PPP2R3B: variants seen among roughly 807,000 people sequenced by gnomAD.
The protein encoded by PPP2R3B is protein phosphatase 2 regulatory subunit B''beta.
PPP2R3B carries 68 observed loss-of-function variants against 72.9 expected under a neutral mutation model. The ratio of observed to expected loss-of-function variants is 0.93; its 90% CI spans 0.77 to 1.14. The LOEUF (loss-of-function observed/expected upper bound fraction) is 1.14. Among genes scored for constraint, PPP2R3B ranks in the 50% most tolerant of loss-of-function variants. PPP2R3B has a pLI of 0.00. For missense variants in PPP2R3B, 1,018 were observed against 842.0 expected (o/e 1.21, Z -2.59); for synonymous variants, 466 against 375.8 (o/e 1.24, Z -2.78).
chrX:375,075 C>T (rs1375023607), intron 1 of PPP2R3B, among the ~76,000 whole-genome samples: 1 of 152,132 alleles, frequency 6.6e-6, no homozygotes, highest in Non-Finnish European at 1.5e-5. Flanking sequence ...CCGCAAGGCC[C>T]CTTCCAACTC....
rs2071406870 is a variant in PPP2R3B at position 354,874 on chromosome X, C to A, written c.510+6531G>T. ...TCAAAAAAAACACAAGAGCTCCCAG[C>A]AAACAAGAAACCAAAAGGGAAGGGG... On this transcript the variant is annotated intron_variant, in intron 2 of 12. Coordinates refer to ENST00000390665, the MANE Select transcript of PPP2R3B (RefSeq NM_013239.5). Among the ~76,000 whole-genome samples the A allele has an allele frequency of 2.0e-5, 3 of 152,282 alleles. No individual in the cohort carries two copies. In the East Asian group the frequency reaches 5.8e-4, roughly 29 times the overall value.
Position 354,067 on chromosome X carries a change from GCCCAAAGACCGGGGCTCA to G in PPP2R3B, c.511-6392_511-6375del, listed in dbSNP as rs1340807916. Among the ~76,000 whole-genome samples, 105 of 111,312 alleles carry G rather than the reference GCCCAAAGACCGGGGCTCA, an allele frequency of 9.4e-4. 3 individuals are homozygous for G. Among genetic ancestry groups the G allele is most frequent in the African/African-American group, 3.7e-3 (87 of 23,772 alleles). The allele number at this position is 111,312 out of a possible 152,430, so 73.0% of individuals were successfully genotyped here. ...GGGGCTCACCCAAAGACCGGGGCTCGCCCAAAGACCGGGGCTCACCCAGGGACCAGGGGCTCGCCCAAA... is the reference window on the plus strand; with the variant it reads ...GGGGCTCACCCAAAGACCGGGGCTCGCCCAGGGACCAGGGGCTCGCCCAAA... On this transcript the variant is annotated intron_variant, in intron 2 of 12. Coordinates refer to ENST00000390665, the MANE Select transcript of PPP2R3B (RefSeq NM_013239.5).
chrX:339,275 G>GGGT (rs1433526026), intron 10 of PPP2R3B, among the ~76,000 whole-genome samples: 4 of 150,100 alleles, frequency 2.7e-5, no homozygotes, highest in Non-Finnish European at 1.5e-5. Flanking sequence ...CCATGGCCGG[G>GGGT]GGGGGCAGGG....
chrX:346,763 T>C lies in PPP2R3B; in HGVS notation c.730A>G (p.Thr244Ala). 6.2e-7 allele frequency: 1 copy of C among 1,609,926 alleles called. No homozygotes were observed. The highest frequency in any genetic ancestry group is 8.5e-7 in the Non-Finnish European group (1 of 1,178,484). Residue 244 changes from threonine (T) to alanine (A), a missense_variant, in exon 5 of 13, where the codon ACG (threonine) becomes GCG (alanine). Physicochemically the swap from Thr to Ala is moderately conservative, Grantham distance 58. Coordinates refer to ENST00000390665, the MANE Select transcript of PPP2R3B (RefSeq NM_013239.5). ...TTCAGGAACGACAGCCCCGGGTGCGTGTTCACCACGTCCTGCGGGTGGGAA... is the reference window on the plus strand; with the variant it reads ...TTCAGGAACGACAGCCCCGGGTGCGCGTTCACCACGTCCTGCGGGTGGGAA... The part of the protein sequence containing the change: ...FVPFLQDVVN[T>A]HPGLSFLKEA...
chrX:354,522 G>A (rs1015148219), intron 2 of PPP2R3B, among the ~76,000 whole-genome samples: 31 of 152,324 alleles, frequency 2.0e-4, no homozygotes, highest in African/African-American at 6.5e-4. Flanking sequence ...TTAGCATCCC[G>A]GACAAACTTC....
At chrX:344,603 G>A (rs1005938200) in intron 7 of PPP2R3B, among the ~76,000 whole-genome samples, 4 of 152,258 alleles carry the variant, frequency 2.6e-5, no homozygotes, top group Non-Finnish European at 4.4e-5. Flanking sequence ...TGAGCGCCTG[G>A]TTCTGGGCCG....
At chrX:339,275 G>GGC (rs1556105667) in intron 10 of PPP2R3B, among the ~76,000 whole-genome samples, 5 of 150,216 alleles carry the variant, frequency 3.3e-5, no homozygotes, top group South Asian at 2.1e-4. Context: ...CCATGGCCGG[G>GGC]GGGGGCAGGG....
rs1293791049 is a variant in PPP2R3B at position 342,985 on chromosome X, C to A, written c.1037-1054G>T. On this transcript the variant is annotated intron_variant, in intron 7 of 12. Coordinates refer to ENST00000390665, the MANE Select transcript of PPP2R3B (RefSeq NM_013239.5). ...AACGGGAGGCGGGAGTGAGACCTCGCCAACGGGAGGCGGGAGTGAGACCTC... is the reference window on the plus strand; with the variant it reads ...AACGGGAGGCGGGAGTGAGACCTCGACAACGGGAGGCGGGAGTGAGACCTC... Among the ~76,000 whole-genome samples, 2 of 6,304 alleles carry A rather than the reference C, an allele frequency of 3.2e-4. 1 individual carries two copies. Among genetic ancestry groups the A allele is most frequent in the Non-Finnish European group, 5.6e-4 (2 of 3,560 alleles). The allele number at this position is 6,304 out of a possible 152,430, so 4.1% of individuals were successfully genotyped here.
chrX:347,848 A>C, intron 2 of PPP2R3B, 155 bp from the exon 3 acceptor site: 1 of 590,934 alleles, frequency 1.7e-6, no homozygotes, highest in Non-Finnish European at 2.9e-6. Context: ...TGCAAACTCA[A>C]CGTGGCTTTC....
At chrX:385,838 T>TGGGAGGCCAAGGC (rs2072235786) in intron 1 of PPP2R3B, among the ~76,000 whole-genome samples, 2 of 152,064 alleles carry the variant, frequency 1.3e-5, no homozygotes, top group South Asian at 4.1e-4. Context: ...CCCAGCACTT[T>TGGGAGGCCAAGGC]GGGAGGCCAA....
intron 9 of PPP2R3B, 119 bp from the exon 10 acceptor site, chrX:341,059 C>T (rs1461466602): frequency 5.7e-6 from 8 of 1,410,972 alleles, no homozygotes; most frequent in Middle Eastern, 2.6e-4. Flanking sequence ...GCAGCCCCCA[C>T]CGGGCGTGCA....
At chrX:342,013 C>A (rs181716162) in intron 7 of PPP2R3B, 82 bp from the exon 8 acceptor site, 9 of 1,533,672 alleles carry the variant, frequency 5.9e-6, no homozygotes, top group Admixed American at 3.3e-5. Flanking sequence ...AGACTGGATG[C>A]GGTGGGGACC....
intron 1 of PPP2R3B, among the ~76,000 whole-genome samples, chrX:375,453 C>T (rs1378027986): frequency 7.0e-6 from 1 of 143,292 alleles, no homozygotes; most frequent in Non-Finnish European, 1.5e-5. Flanking sequence ...CAGTCACCCA[C>T]GATGCAGGAT....
intron 1 of PPP2R3B, chrX:362,143 G>C (rs1279213333): frequency 1.2e-5 from 2 of 168,988 alleles, no homozygotes; most frequent in African/African-American, 2.4e-5. Context: ...GTACTGCTGC[G>C]GACACGCCTC....
intron 8 of PPP2R3B, 173 bp downstream of exon 8, chrX:341,710 C>CT (rs1491476914): frequency 9.7e-6 from 3 of 307,938 alleles, no homozygotes; most frequent in African/African-American, 1.4e-4. Flanking sequence ...TCTTGTGCCA[C>CT]CCCCCCCCAC....
intron 1 of PPP2R3B, among the ~76,000 whole-genome samples, chrX:368,523 G>C (rs1183303896): frequency 1.7e-5 from 2 of 115,858 alleles, no homozygotes. Context: ...GGGCACCGAC[G>C]GGGGGAAGGA....
rs1005334847 is a variant in PPP2R3B at position 361,721 on chromosome X, A to G, written c.325-131T>C. Reference sequence around the variant, plus strand: ...CCTGATCCCAGCCGGGAGAGGACACACTGCAATCCCTGCGGGGGACCACAC... The same window carrying G: ...CCTGATCCCAGCCGGGAGAGGACACGCTGCAATCCCTGCGGGGGACCACAC... On this transcript the variant is annotated intron_variant, in intron 1 of 12. Transcript: ENST00000390665. 7.9e-6 allele frequency: 8 copies of G among 1,013,188 alleles called. No individual in the cohort carries two copies. In the African/African-American group the frequency reaches 1.3e-4, roughly 16 times the overall value. The allele number at this position is 1,013,188 out of a possible 1,614,324, so 62.8% of individuals were successfully genotyped here.
intron 2 of PPP2R3B, among the ~76,000 whole-genome samples, chrX:351,444 T>C (rs373417931): frequency 6.6e-5 from 10 of 152,206 alleles, no homozygotes; most frequent in South Asian, 2.1e-4. Context: ...GTGGCAGGGA[T>C]GGAGCATCAG....
chrX:354,134 G>C (rs373396768), intron 2 of PPP2R3B, among the ~76,000 whole-genome samples: 3,708 of 124,782 alleles, frequency 0.03, 94 homozygotes, highest in African/African-American at 0.11. Context: ...CCCAAAGACT[G>C]GGGGCTCACC....
Sources: allele counts gnomAD v4.1 joint callset (sites outside exome capture counted in the v4.1 genomes callset), GRCh38; gene constraint gnomAD v4.1.1; transcripts MANE v1.5; gene names NCBI Gene and HGNC (gene_info 2026-07-23, HGNC 2026-07-21).